Variants in CCDC93 observed in about 807,000 individuals in gnomAD.
CCDC93 encodes CCC complex scaffolding subunit CCDC93, also known as coiled-coil domain-containing protein 93.
In CCDC93, 61 loss-of-function variants were observed where a neutral mutation model predicts 108.2. The ratio of observed to expected loss-of-function variants is 0.56; its 90% CI spans 0.46 to 0.70. The LOEUF is 0.70. Among genes scored for constraint, CCDC93 ranks in the 30% least tolerant of loss-of-function variants. The probability of loss-of-function intolerance (pLI) is 0.00; values close to 1 mark genes in which losing one functional copy is unlikely to be tolerated. For synonymous variants in CCDC93, 276 were observed against 260.4 expected (o/e 1.06, Z -0.58); for missense variants, 685 against 764.2 (o/e 0.90, Z 1.22).
chr2:117,960,065 G>A (rs1679337867), intron 11 of CCDC93, among the ~76,000 whole-genome samples: 1 of 152,136 alleles, frequency 6.6e-6, no homozygotes, highest in South Asian at 2.1e-4. Flanking sequence ...GGCCACTTTT[G>A]TATGTTATGT....
intron 4 of CCDC93, 30 bp downstream of exon 4, chr2:118,000,791 G>A (rs374496481): frequency 7.0e-7 from 1 of 1,422,390 alleles, no homozygotes; most frequent in African/African-American, 1.4e-5. Flanking sequence ...CTGATGTTAA[G>A]AGGACAAGAA....
intron 7 of CCDC93, among the ~76,000 whole-genome samples, chr2:117,979,362 C>A (rs983231682): frequency 6.6e-6 from 1 of 151,968 alleles, no homozygotes; most frequent in Non-Finnish European, 1.5e-5. Context: ...TCCCTACTCA[C>A]CCTCCACTCC....
intron 15 of CCDC93, 25 bp from the exon 16 acceptor site, chr2:117,946,907 C>CA: frequency 6.5e-7 from 1 of 1,546,754 alleles, no homozygotes; most frequent in Non-Finnish European, 8.9e-7. Flanking sequence ...TGAACTTTTA[C>CA]AAAATTCAGA....
At chr2:118,002,862 C>G (rs577695784) in intron 3 of CCDC93, among the ~76,000 whole-genome samples, 1 of 152,130 alleles carries the variant, frequency 6.6e-6, no homozygotes, top group Non-Finnish European at 1.5e-5. Flanking sequence ...CATAGTAAGA[C>G]CTTGTCTGCA....
rs1049174495 is a variant in CCDC93, at chr2:117,941,136, C to A, written c.1522+53G>T. ...CCCCCATGCTAAAGTGGAACAGACC[C>A]CTCGCCTGTCCCTTCCCAGCCTCAA... On this transcript the variant is annotated intron_variant, in intron 19 of 23. Coordinates refer to ENST00000376300, the MANE Select transcript of CCDC93 (RefSeq NM_019044.5). 4 of 1,278,324 alleles carry A rather than the reference C, an allele frequency of 3.1e-6. No individual in the cohort carries two copies. The East Asian group carries it at 9.3e-5, about 30-fold the overall frequency. 79.2% of individuals were successfully genotyped at this position (1,278,324 alleles called of 1,614,324 possible).
chr2:117,968,075 G>A (rs1417112764), intron 11 of CCDC93, among the ~76,000 whole-genome samples: 2 of 152,148 alleles, frequency 1.3e-5, no homozygotes, highest in African/African-American at 4.8e-5. Context: ...GCTACAAAAT[G>A]TTCCAATATC....
intron 11 of CCDC93, among the ~76,000 whole-genome samples, chr2:117,968,805 A>C (rs11678048): frequency 0.074 from 11,315 of 152,184 alleles, 520 homozygotes; most frequent in South Asian, 0.15. Flanking sequence ...AAAGAAAAAA[A>C]AAATCCTGAT....
chr2:117,958,688 G>C (rs138538111), intron 11 of CCDC93, among the ~76,000 whole-genome samples: 1 of 152,174 alleles, frequency 6.6e-6, no homozygotes, highest in East Asian at 1.9e-4. Context: ...CTGCATTCTG[G>C]GCTGAGGGAA....
Position 117,986,160 on chromosome 2 carries a change from C to CTTTT in CCDC93, c.520-95_520-92dup, listed in dbSNP as rs763304100. The stretch of plus-strand genomic sequence containing the variant: ...TGCCTCCAGCCATGGGGTATATTCT[C>CTTTT]TTTTTTTTTTTTTTTTTTTTTTGAG... On this transcript the variant is annotated intron_variant, in intron 6 of 23. Coordinates refer to ENST00000376300, the MANE Select transcript of CCDC93 (RefSeq NM_019044.5). 9.0e-3 allele frequency: 2,469 copies of CTTTT among 275,322 alleles called. 6 individuals carry two copies. The highest frequency in any genetic ancestry group is 0.014 in the East Asian group (167 of 12,114). 17.1% of individuals were successfully genotyped at this position (275,322 alleles called of 1,614,324 possible).
intron 23 of CCDC93, among the ~76,000 whole-genome samples, chr2:117,929,780 C>T (rs1678264290): frequency 1.3e-5 from 2 of 152,266 alleles, no homozygotes; most frequent in Admixed American, 1.3e-4. Flanking sequence ...CAGACTGAGC[C>T]GCAGACCCTC....
chr2:117,941,345 T>G, intron 18 of CCDC93, 48 bp from the exon 19 acceptor site: 2 of 1,481,134 alleles, frequency 1.4e-6, no homozygotes, highest in Non-Finnish European at 1.9e-6. Context: ...TAAAAGGCCT[T>G]ACATGTTCTC....
chr2:118,013,819 T>C, intron 1 of CCDC93, 135 bp downstream of exon 1: 1 of 765,308 alleles, frequency 1.3e-6, no homozygotes, highest in Middle Eastern at 3.9e-4. Flanking sequence ...GGTCGGCGCT[T>C]CCCTGAGGTG....
intron 14 of CCDC93, 123 bp from the exon 15 acceptor site, chr2:117,948,309 G>A (rs776238783): frequency 1.4e-5 from 9 of 657,896 alleles, no homozygotes; most frequent in Non-Finnish European, 2.4e-5. Context: ...AGCTCTAAGA[G>A]TGTCTCACAG....
chr2:118,012,034 A>G (rs1677032983), intron 1 of CCDC93, among the ~76,000 whole-genome samples: 1 of 152,238 alleles, frequency 6.6e-6, no homozygotes, highest in South Asian at 2.1e-4. Context: ...CACAAAGCCC[A>G]ATAAACTTTC....
chr2:117,931,474 T>G (rs1333235713), intron 22 of CCDC93: 3 of 268,138 alleles, frequency 1.1e-5, no homozygotes, highest in Non-Finnish European at 2.2e-5. Flanking sequence ...GGAGACAGTT[T>G]TGATTGTCAC....
intron 6 of CCDC93, among the ~76,000 whole-genome samples, chr2:117,987,601 G>T (rs2104802799): frequency 6.6e-6 from 1 of 152,210 alleles, no homozygotes; most frequent in African/African-American, 2.4e-5. Flanking sequence ...CCCCTCAATG[G>T]GCCTCAGTTT....
intron 7 of CCDC93, among the ~76,000 whole-genome samples, chr2:117,983,984 G>C (rs1382378303): frequency 6.6e-6 from 1 of 152,102 alleles, no homozygotes; most frequent in African/African-American, 2.4e-5. Flanking sequence ...ACATGCTTTT[G>C]AAGTTCAAGG....
intron 14 of CCDC93, 121 bp from the exon 15 acceptor site, chr2:117,948,307 G>C (rs1252311844): frequency 1.5e-6 from 1 of 672,404 alleles, no homozygotes; most frequent in African/African-American, 1.8e-5. Context: ...TCAGCTCTAA[G>C]AGTGTCTCAC....
chr2:117,935,674 T>G (rs936807243), intron 21 of CCDC93, 95 bp from the exon 22 acceptor site: 2 of 882,904 alleles, frequency 2.3e-6, no homozygotes, highest in Admixed American at 4.4e-5. Context: ...ATTATGACTC[T>G]TAGGAGAGGC....
Sources: allele counts gnomAD v4.1 joint callset (sites outside exome capture counted in the v4.1 genomes callset), GRCh38; gene constraint gnomAD v4.1.1; transcripts MANE v1.5; gene names NCBI Gene and HGNC (gene_info 2026-07-23, HGNC 2026-07-21).